Variants in GRIN2A observed in about 807,000 individuals in gnomAD.
GRIN2A encodes the protein glutamate ionotropic receptor NMDA type subunit 2A.
A neutral mutation model predicts 113.4 loss-of-function variants in GRIN2A; 22 were observed. The observed-to-expected ratio is 0.19, with a 90% CI of 0.14 to 0.28. The LOEUF (loss-of-function observed/expected upper bound fraction) is 0.28. GRIN2A is among the 10% of genes least tolerant of loss of function. The pLI, the probability that GRIN2A is intolerant of heterozygous loss-of-function variation, is 1.00. For missense variants in GRIN2A, 1,502 were observed against 1,887.0 expected (o/e 0.80, Z 3.78); for synonymous variants, 827 against 738.4 (o/e 1.12, Z -1.94).
chr16:10,017,502 C>A (rs1257350499), intron 2 of GRIN2A, among the ~76,000 whole-genome samples: 1 of 152,070 alleles, frequency 6.6e-6, no homozygotes, highest in Non-Finnish European at 1.5e-5. Context: ...TTATTTCGAG[C>A]TATGTTAATT....
intron 10 of GRIN2A, among the ~76,000 whole-genome samples, chr16:9,810,830 G>C (rs921403584): frequency 6.6e-6 from 1 of 152,206 alleles, no homozygotes; most frequent in Non-Finnish European, 1.5e-5. Flanking sequence ...TGAAGGTGCA[G>C]TACCTGAGTT....
intron 2 of GRIN2A, among the ~76,000 whole-genome samples, chr16:9,994,323 T>C (rs1161176067): frequency 6.6e-6 from 1 of 152,206 alleles, no homozygotes; most frequent in Non-Finnish European, 1.5e-5. Flanking sequence ...CCATCTTCTC[T>C]GTACTCAGGC....
chr16:9,820,313 A>C (rs2042258351), intron 10 of GRIN2A, among the ~76,000 whole-genome samples: 1 of 152,240 alleles, frequency 6.6e-6, no homozygotes. Context: ...TGTTGATTAA[A>C]AGACCACAAT....
rs1433404642 is a variant in GRIN2A at position 9,840,918 on chromosome 16, G to A, written c.1497+18C>T. 1 of 1,612,598 alleles carries A rather than the reference G, an allele frequency of 6.2e-7. No homozygotes were observed. Among genetic ancestry groups the A allele is most frequent in the Non-Finnish European group, 8.5e-7 (1 of 1,178,910 alleles). ...CCTTTGTCTGAGTAAGAGCCTAGGG[G>A]ATGAAAAGATAACTTACTTCACCGA... On this transcript the variant is annotated intron_variant, in intron 6 of 12. Coordinates refer to ENST00000330684, the MANE Select transcript of GRIN2A (RefSeq NM_001134407.3).
Position 9,984,842 on chromosome 16 carries a change from T to G in GRIN2A, c.415-46291A>C, listed in dbSNP as rs571354507. On this transcript the variant is annotated intron_variant, in intron 2 of 12. Coordinates refer to ENST00000330684, the MANE Select transcript of GRIN2A (RefSeq NM_001134407.3). The stretch of plus-strand genomic sequence containing the variant: ...GCTATTATCCATTAGTTTTTGGTTT[T>G]TTATTACTTTTGTTAGTTTGTCTGT... Among the ~76,000 whole-genome samples, 10 of 152,350 alleles carry G rather than the reference T, an allele frequency of 6.6e-5. No individual in the cohort carries two copies. The South Asian group carries it at 1.9e-3, about 28-fold the overall frequency.
intron 3 of GRIN2A, among the ~76,000 whole-genome samples, chr16:9,898,800 TG>T (rs201154008): frequency 2.2e-5 from 3 of 139,506 alleles, no homozygotes; most frequent in African/African-American, 6.2e-5. Context: ...GTTTTTTTTT[TG>T]TTTTTTTTTT....
At chr16:9,873,803 G>C (rs897766391) in intron 4 of GRIN2A, among the ~76,000 whole-genome samples, 3 of 152,166 alleles carry the variant, frequency 2.0e-5, no homozygotes, top group Non-Finnish European at 4.4e-5. Flanking sequence ...TCCTATGTTA[G>C]ATCTGCCTGT....
intron 3 of GRIN2A, among the ~76,000 whole-genome samples, chr16:9,921,481 G>A (rs1055050638): frequency 2.0e-5 from 3 of 152,054 alleles, no homozygotes; most frequent in African/African-American, 4.8e-5. Context: ...ACTGAGCCTC[G>A]GAAGGTCATT....
intron 3 of GRIN2A, among the ~76,000 whole-genome samples, chr16:9,892,301 A>G (rs2043710439): frequency 6.6e-6 from 1 of 152,174 alleles, no homozygotes; most frequent in South Asian, 2.1e-4. Context: ...GAGGTAATAG[A>G]TCATGTCAAT....
At chr16:10,117,484 A>G (rs2048748803) in intron 2 of GRIN2A, among the ~76,000 whole-genome samples, 1 of 151,054 alleles carries the variant, frequency 6.6e-6, no homozygotes, top group African/African-American at 2.4e-5. Flanking sequence ...AGTTACCTCT[A>G]TTTTCATGCA....
chr16:10,014,458 A>G (rs914759592), intron 2 of GRIN2A, among the ~76,000 whole-genome samples: 3 of 152,206 alleles, frequency 2.0e-5, no homozygotes, highest in Non-Finnish European at 2.9e-5. Flanking sequence ...CATTCATTCT[A>G]CAAACATGTC....
intron 10 of GRIN2A, among the ~76,000 whole-genome samples, chr16:9,811,560 A>G (rs2042087767): frequency 6.6e-6 from 1 of 152,106 alleles, no homozygotes; most frequent in South Asian, 2.1e-4. Context: ...GGAGTTTGAG[A>G]CCAGCCTGGT....
At chr16:9,875,395 A>G (rs2043344649) in intron 4 of GRIN2A, among the ~76,000 whole-genome samples, 1 of 152,162 alleles carries the variant, frequency 6.6e-6, no homozygotes, top group Non-Finnish European at 1.5e-5. Context: ...CAATGCCAAG[A>G]AAAACAGGGT....
chr16:10,010,352 A>G (rs1285651377), intron 2 of GRIN2A, among the ~76,000 whole-genome samples: 1 of 152,228 alleles, frequency 6.6e-6, no homozygotes, highest in African/African-American at 2.4e-5. Flanking sequence ...CAGACAGGAA[A>G]AATAACTAAT....
intron 2 of GRIN2A, among the ~76,000 whole-genome samples, chr16:10,020,300 C>A (rs934412709): frequency 6.6e-6 from 1 of 152,210 alleles, no homozygotes; most frequent in East Asian, 1.9e-4. Flanking sequence ...GCCTGTAGTC[C>A]CAGCTACTTG....
chr16:9,941,037 C>G (rs970914985), intron 2 of GRIN2A, among the ~76,000 whole-genome samples: 5 of 152,152 alleles, frequency 3.3e-5, no homozygotes, highest in South Asian at 2.1e-4. Flanking sequence ...TAAATGATGC[C>G]TCAAAGGAAG....
intron 3 of GRIN2A, among the ~76,000 whole-genome samples, chr16:9,933,866 G>A (rs1374397956): frequency 6.6e-6 from 1 of 152,216 alleles, no homozygotes. Flanking sequence ...AAAACATAAG[G>A]TTGAGGTAAA....
intron 11 of GRIN2A, among the ~76,000 whole-genome samples, chr16:9,790,333 C>A (rs1596409738): frequency 6.6e-6 from 1 of 152,256 alleles, no homozygotes; most frequent in East Asian, 1.9e-4. Flanking sequence ...TGGGTTTGAG[C>A]CCCAACTCTG....
Position 9,890,853 on chromosome 16 carries a change from A to G in GRIN2A, c.1122+133T>C, listed in dbSNP as rs16966605. On this transcript the variant is annotated intron_variant, in intron 4 of 12. Transcript: ENST00000330684. Reference sequence around the variant, plus strand: ...TTTAGTCTGCCTTGTTGCAAGAAAGACGTGCTCTTGGCTGTGAGATGGGAT... The same window carrying G: ...TTTAGTCTGCCTTGTTGCAAGAAAGGCGTGCTCTTGGCTGTGAGATGGGAT... 4,625 of 689,750 alleles carry G rather than the reference A, an allele frequency of 6.7e-3. 139 individuals carry two copies. In the African/African-American group the frequency reaches 0.07, roughly 10 times the overall value. The allele number at this position is 689,750 out of a possible 1,614,324, so 42.7% of individuals were successfully genotyped here. A position where few individuals can be genotyped will look rare whatever the true frequency, so the allele number is the denominator to read the frequency against.
Sources: allele counts gnomAD v4.1 joint callset (sites outside exome capture counted in the v4.1 genomes callset), GRCh38; gene constraint gnomAD v4.1.1; transcripts MANE v1.5; gene names NCBI Gene and HGNC (gene_info 2026-07-23, HGNC 2026-07-21).